The following GRIA4 variants were observed in gnomAD, a reference collection of about 807,000 sequenced individuals.
GRIA4 encodes the protein glutamate receptor 4.
A neutral mutation model predicts 104.0 loss-of-function variants in GRIA4; 34 were observed. That is an observed-to-expected ratio of 0.33 (90% CI 0.25 to 0.44). GRIA4 has a LOEUF of 0.44. GRIA4 is among the 20% of genes least tolerant of loss of function. GRIA4 has a pLI of 1.00. For missense variants in GRIA4, 750 were observed against 1,096.5 expected (o/e 0.68, Z 4.46); for synonymous variants, 386 against 381.9 (o/e 1.01, Z -0.13).
intron 4 of GRIA4, among the ~76,000 whole-genome samples, chr11:105,767,873 G>A (rs1238390961): frequency 1.3e-5 from 2 of 152,068 alleles, no homozygotes; most frequent in Non-Finnish European, 2.9e-5. Flanking sequence ...TTAAAAATCT[G>A]TGCCCTTAAC....
At chr11:105,814,102 G>A (rs1943284534) in intron 4 of GRIA4, among the ~76,000 whole-genome samples, 1 of 152,198 alleles carries the variant, frequency 6.6e-6, no homozygotes, top group African/African-American at 2.4e-5. Flanking sequence ...AAATGAGCAA[G>A]GAAGGAGGGG....
At position 105,866,551 on chromosome 11, in the gene GRIA4, GTATATA is replaced by G. The variant is rs71041633; in HGVS notation, c.672+4371_672+4376del. 7.4e-4 allele frequency among the ~76,000 whole-genome samples: 57 copies of G among 76,714 alleles called. 1 individual carries two copies. Among genetic ancestry groups the G allele is most frequent in the African/African-American group, 2.9e-3 (44 of 15,336 alleles). The allele number at this position is 76,714 out of a possible 152,430, so 50.3% of individuals were successfully genotyped here. ...TATACGCATATGTGTGTGTGTGTGTGTATATATATATATATATATATATATATATAT... is the reference window on the plus strand; with the variant it reads ...TATACGCATATGTGTGTGTGTGTGTGTATATATATATATATATATATATAT... On this transcript the variant is annotated intron_variant, in intron 5 of 16. Transcript: ENST00000282499.
At chr11:105,898,525 A>AT in intron 7 of GRIA4, 98 bp downstream of exon 7, 1 of 738,324 alleles carries the variant, frequency 1.4e-6, no homozygotes, top group Non-Finnish European at 2.3e-6. Context: ...TGCCAAACAT[A>AT]GTATGGCATG....
At chr11:105,673,616 C>A (rs1952443221) in intron 3 of GRIA4, among the ~76,000 whole-genome samples, 1 of 151,976 alleles carries the variant, frequency 6.6e-6, no homozygotes, top group Non-Finnish European at 1.5e-5. Flanking sequence ...TATCTTGTAT[C>A]CACTCGCTAG....
At chr11:105,619,951 G>T (rs1486608293) in intron 3 of GRIA4, among the ~76,000 whole-genome samples, 1 of 151,758 alleles carries the variant, frequency 6.6e-6, no homozygotes, top group Non-Finnish European at 1.5e-5. Flanking sequence ...TAATCAGTGT[G>T]TCTAAGCTGG....
chr11:105,853,419 T>C (rs1307492689), intron 4 of GRIA4, among the ~76,000 whole-genome samples: 1 of 152,152 alleles, frequency 6.6e-6, no homozygotes, highest in African/African-American at 2.4e-5. Context: ...TGCTGAGATA[T>C]GTGGGACTCT....
At chr11:105,649,160 T>C (rs188790476) in intron 3 of GRIA4, among the ~76,000 whole-genome samples, 3 of 152,276 alleles carry the variant, frequency 2.0e-5, no homozygotes, top group Admixed American at 2.0e-4. Flanking sequence ...GTTATTGACA[T>C]ATATAAAACA....
Position 105,912,181 on chromosome 11 carries a change from GT to G in GRIA4, c.1269+1637del, listed in dbSNP as rs1006489886. On this transcript the variant is annotated intron_variant, in intron 10 of 16. Transcript: ENST00000282499. ...ATCAATTCCCCTATCTTGAAATGAG[GT>G]CACTGTATGTAAATGATGGAATTAT... 7 of 1,003,694 alleles carry G rather than the reference GT, an allele frequency of 7.0e-6. No individual in the cohort carries two copies. In the African/African-American group the frequency reaches 1.2e-4, roughly 17 times the overall value. 62.2% of individuals were successfully genotyped at this position (1,003,694 alleles called of 1,614,324 possible). A position where few individuals can be genotyped will look rare whatever the true frequency, so the allele number is the denominator to read the frequency against.
intron 4 of GRIA4, among the ~76,000 whole-genome samples, chr11:105,773,783 A>C (rs931459877): frequency 6.6e-6 from 1 of 152,064 alleles, no homozygotes; most frequent in Non-Finnish European, 1.5e-5. Context: ...GGAGAATAAA[A>C]TGACAGATAC....
intron 3 of GRIA4, among the ~76,000 whole-genome samples, chr11:105,747,995 CCTT>C (rs1461424917): frequency 1.3e-5 from 2 of 152,244 alleles, no homozygotes; most frequent in East Asian, 3.9e-4. Context: ...TAGGCACACT[CCTT>C]AATACTCCTA....
In GRIA4 at chr11:105,770,624, A is replaced by G. The variant is rs545494904; in HGVS notation, c.487+17404A>G. ...TGCCAAGTAGTTCTGGAGAAAAGCA[A>G]AAAACGGGATCACTTTGTTCCATTA... On this transcript the variant is annotated intron_variant, in intron 4 of 16. Transcript: ENST00000282499. 7.2e-5 allele frequency among the ~76,000 whole-genome samples: 11 copies of G among 152,156 alleles called. No individual in the cohort carries two copies. The South Asian group carries it at 2.3e-3, about 32-fold the overall frequency.
intron 3 of GRIA4, among the ~76,000 whole-genome samples, chr11:105,724,334 TAC>T (rs1006869721): frequency 8.6e-5 from 13 of 151,168 alleles, no homozygotes; most frequent in East Asian, 1.9e-4. Flanking sequence ...CATATATATA[TAC>T]ATAGATAGAT....
chr11:105,809,874 A>G (rs1591290967), intron 4 of GRIA4, among the ~76,000 whole-genome samples: 1 of 151,846 alleles, frequency 6.6e-6, no homozygotes, highest in African/African-American at 2.4e-5. Context: ...TGTACCCATT[A>G]CCCATCCCCT....
chr11:105,637,284 T>A (rs1951231245), intron 3 of GRIA4, among the ~76,000 whole-genome samples: 1 of 152,200 alleles, frequency 6.6e-6, no homozygotes, highest in Admixed American at 6.5e-5. Context: ...ACCTGTCACC[T>A]TTAAACAATC....
chr11:105,832,704 A>T (rs1200025351), intron 4 of GRIA4, among the ~76,000 whole-genome samples: 5 of 151,972 alleles, frequency 3.3e-5, no homozygotes, highest in Admixed American at 3.3e-4. Flanking sequence ...TGTTATCTAA[A>T]TTAGGAGTTT....
At chr11:105,616,093 C>T (rs899744625) in intron 3 of GRIA4, among the ~76,000 whole-genome samples, 8 of 151,522 alleles carry the variant, frequency 5.3e-5, no homozygotes, top group Admixed American at 3.9e-4. Context: ...CATGTATTAT[C>T]GTCTTGGTGA....
Position 105,802,636 on chromosome 11 carries a change from C to T in GRIA4, c.487+49416C>T, listed in dbSNP as rs1218218184. ...TGAAAAGTTTTCTGGATATTGCTTA[C>T]TATTCAGTTCAAAATTTTTACAAAT... On this transcript the variant is annotated intron_variant, in intron 4 of 16. Transcript: ENST00000282499. 3.9e-5 allele frequency among the ~76,000 whole-genome samples: 6 copies of T among 151,986 alleles called. No homozygotes were observed. The South Asian group carries it at 1.0e-3, about 26-fold the overall frequency.
At chr11:105,643,000 AAGG>A (rs890661057) in intron 3 of GRIA4, among the ~76,000 whole-genome samples, 1 of 152,158 alleles carries the variant, frequency 6.6e-6, no homozygotes, top group Non-Finnish European at 1.5e-5. Context: ...TGGCAGCAGC[AAGG>A]AGAAGTGCTG....
At chr11:105,962,919 C>A (rs1386188547) in intron 14 of GRIA4, among the ~76,000 whole-genome samples, 1 of 152,120 alleles carries the variant, frequency 6.6e-6, no homozygotes, top group African/African-American at 2.4e-5. Context: ...TTCTTCTACA[C>A]TTATCTGCTT....
Sources: gnomAD v4.1 joint callset for allele counts (sites outside exome capture counted in the v4.1 genomes callset) on GRCh38, gnomAD v4.1.1 for gene constraint, MANE v1.5 for transcripts, NCBI Gene and HGNC (gene_info 2026-07-23, HGNC 2026-07-21) for gene names.